RALA: variants seen among roughly 807,000 people sequenced by gnomAD.
The protein encoded by RALA is ras-related protein Ral-A.
A neutral mutation model predicts 24.0 loss-of-function variants in RALA; 5 were observed. The ratio of observed to expected loss-of-function variants is 0.21; its 90% CI spans 0.11 to 0.44. RALA has a LOEUF of 0.44. Ranked by LOEUF, RALA falls within the 20% of genes least tolerant of loss-of-function variation. RALA has a pLI of 0.99. For missense variants in RALA, 95 were observed against 241.2 expected, an observed-to-expected ratio of 0.39 and a Z score of 4.01; for synonymous variants, 77 against 83.8, an observed-to-expected ratio of 0.92 and a Z score of 0.44.
intron 1 of RALA, among the ~76,000 whole-genome samples, chr7:39,649,076 T>G (rs1583715332): frequency 6.6e-6 from 1 of 151,976 alleles, no homozygotes; most frequent in African/African-American, 2.4e-5. Flanking sequence ...AATAAAAGAA[T>G]GACTCCAGGA....
intron 1 of RALA, among the ~76,000 whole-genome samples, chr7:39,640,888 C>T (rs1305539977): frequency 6.6e-6 from 1 of 152,158 alleles, no homozygotes; most frequent in Non-Finnish European, 1.5e-5. Flanking sequence ...CAGAATTTTG[C>T]CATTTTTTTC....
intron 1 of RALA, among the ~76,000 whole-genome samples, chr7:39,672,652 A>AG (rs1161417033): frequency 6.6e-6 from 1 of 151,256 alleles, no homozygotes; most frequent in Non-Finnish European, 1.5e-5. Context: ...TCAGTCGTAA[A>AG]AAAAAAAAAA....
At chr7:39,658,505 A>G (rs1352087515) in intron 1 of RALA, among the ~76,000 whole-genome samples, 1 of 152,112 alleles carries the variant, frequency 6.6e-6, no homozygotes, top group Non-Finnish European at 1.5e-5. Flanking sequence ...GCAGTTTTAT[A>G]TGGTTTCACT....
intron 1 of RALA, among the ~76,000 whole-genome samples, chr7:39,670,408 A>G (rs1424325401): frequency 6.6e-6 from 1 of 152,196 alleles, no homozygotes; most frequent in African/African-American, 2.4e-5. Flanking sequence ...CAGCCTCCCA[A>G]AATGCTGGGA....
At chr7:39,633,200 T>C (rs73381116) in intron 1 of RALA, among the ~76,000 whole-genome samples, 4,385 of 152,292 alleles carry the variant, frequency 0.029, 226 homozygotes, top group African/African-American at 0.099. Context: ...CTTGGATTTC[T>C]AGATCATATA....
chr7:39,684,269 G>A (rs905455332), intron 1 of RALA, among the ~76,000 whole-genome samples: 1 of 152,108 alleles, frequency 6.6e-6, no homozygotes, highest in South Asian at 2.1e-4. Flanking sequence ...AACTGCTTCT[G>A]CTAAAATGCT....
intron 4 of RALA, among the ~76,000 whole-genome samples, chr7:39,702,295 C>A (rs570585493): frequency 1.3e-5 from 2 of 152,214 alleles, no homozygotes; most frequent in East Asian, 3.9e-4. Flanking sequence ...ACGTTAAAAG[C>A]AGTCATACAT....
At chr7:39,649,430 A>T (rs575163927) in intron 1 of RALA, among the ~76,000 whole-genome samples, 1 of 152,336 alleles carries the variant, frequency 6.6e-6, no homozygotes, top group South Asian at 2.1e-4. Context: ...TGCCAATAGG[A>T]GGTGATTAGT....
At chr7:39,660,649 GAAC>G (rs1371118813) in intron 1 of RALA, among the ~76,000 whole-genome samples, 1 of 151,872 alleles carries the variant, frequency 6.6e-6, no homozygotes, top group African/African-American at 2.4e-5. Flanking sequence ...GTTGACCCTT[GAAC>G]AACACAGGTT....
chr7:39,683,444 C>G (rs919676497), intron 1 of RALA, among the ~76,000 whole-genome samples: 3 of 152,186 alleles, frequency 2.0e-5, no homozygotes, highest in Non-Finnish European at 4.4e-5. Context: ...GCTCCTCCCC[C>G]CATTGCTGTC....
At chr7:39,678,231 A>G (rs1792523677) in intron 1 of RALA, among the ~76,000 whole-genome samples, 1 of 151,968 alleles carries the variant, frequency 6.6e-6, no homozygotes, top group Non-Finnish European at 1.5e-5. Flanking sequence ...GGCTTCTGGC[A>G]TCCAGTACTG....
At chr7:39,647,982 G>A (rs990014784) in intron 1 of RALA, among the ~76,000 whole-genome samples, 2 of 152,204 alleles carry the variant, frequency 1.3e-5, no homozygotes, top group African/African-American at 4.8e-5. Context: ...CCTTAAGTAA[G>A]TGTCTGTTTC....
intron 1 of RALA, among the ~76,000 whole-genome samples, chr7:39,642,556 A>G (rs1791837168): frequency 2.0e-5 from 3 of 152,138 alleles, no homozygotes; most frequent in Admixed American, 2.0e-4. Context: ...TTGGGGTTAT[A>G]TATTCTGATT....
At chr7:39,674,086 T>TAAATAAAA (rs1562618770) in intron 1 of RALA, among the ~76,000 whole-genome samples, 1 of 142,812 alleles carries the variant, frequency 7.0e-6, no homozygotes. Flanking sequence ...AATAAATAAA[T>TAAATAAAA]AAAAGGTTGA....
At chr7:39,688,324 T>G (rs944492091) in intron 2 of RALA, among the ~76,000 whole-genome samples, 2 of 151,898 alleles carry the variant, frequency 1.3e-5, no homozygotes, top group Non-Finnish European at 1.5e-5. Flanking sequence ...ATCATTTGCA[T>G]TGGAGGTCAC....
At chr7:39,673,372 A>C (rs908018918) in intron 1 of RALA, among the ~76,000 whole-genome samples, 2 of 152,128 alleles carry the variant, frequency 1.3e-5, no homozygotes, top group Admixed American at 6.5e-5. Flanking sequence ...ACCTTTACCA[A>C]AATACACTCT....
intron 1 of RALA, among the ~76,000 whole-genome samples, chr7:39,630,583 A>G (rs1422042769): frequency 2.0e-5 from 3 of 152,052 alleles, no homozygotes; most frequent in Non-Finnish European, 2.9e-5. Context: ...TATTCAGGAA[A>G]CTTCTTACCT....
intron 1 of RALA, among the ~76,000 whole-genome samples, chr7:39,673,784 C>T (rs1333719491): frequency 6.6e-6 from 1 of 152,054 alleles, no homozygotes; most frequent in African/African-American, 2.4e-5. Context: ...CCTTATCTTA[C>T]TCCTGATGTT....
chr7:39,652,066 A>T (rs1040664620), intron 1 of RALA, among the ~76,000 whole-genome samples: 3 of 152,206 alleles, frequency 2.0e-5, no homozygotes, highest in Non-Finnish European at 2.9e-5. Flanking sequence ...AGATCAAAGT[A>T]TCAGCAGATT....
Sources: allele counts gnomAD v4.1 joint callset (sites outside exome capture counted in the v4.1 genomes callset), GRCh38; gene constraint gnomAD v4.1.1; transcripts MANE v1.5; gene names NCBI Gene and HGNC (gene_info 2026-07-23, HGNC 2026-07-21).